The following FRMD5 variants were observed in gnomAD, a reference collection of about 807,000 sequenced individuals.
FRMD5 encodes FERM domain-containing protein 5.
Under a neutral mutation model 69.0 loss-of-function variants are expected in FRMD5, and 20 were observed. The ratio of observed to expected loss-of-function variants is 0.29; its 90% CI spans 0.20 to 0.42. FRMD5 has a LOEUF of 0.42. FRMD5 is among the 10% of genes least tolerant of loss of function. The pLI is 1.00. For missense variants in FRMD5, 595 were observed against 708.6 expected, an observed-to-expected ratio of 0.84 and a Z score of 1.82; for synonymous variants, 271 against 260.1, an observed-to-expected ratio of 1.04 and a Z score of -0.40.
intron 1 of FRMD5, among the ~76,000 whole-genome samples, chr15:43,971,384 C>T (rs1371259854): frequency 1.3e-5 from 2 of 152,114 alleles, no homozygotes; most frequent in Non-Finnish European, 2.9e-5. Flanking sequence ...AGTACATCTG[C>T]TACTATTTTT....
intron 1 of FRMD5, among the ~76,000 whole-genome samples, chr15:44,081,883 C>T (rs935963152): frequency 1.3e-5 from 2 of 151,898 alleles, no homozygotes; most frequent in African/African-American, 4.8e-5. Flanking sequence ...CCATCTGCTA[C>T]ATATAGACAG....
At chr15:43,916,527 G>A (rs958368921) in intron 4 of FRMD5, among the ~76,000 whole-genome samples, 1 of 152,198 alleles carries the variant, frequency 6.6e-6, no homozygotes, top group Non-Finnish European at 1.5e-5. Flanking sequence ...GTATTAAGAA[G>A]TGTAAGAGGC....
At chr15:44,104,116 A>G (rs1361662238) in intron 1 of FRMD5, among the ~76,000 whole-genome samples, 2 of 152,228 alleles carry the variant, frequency 1.3e-5, no homozygotes, top group African/African-American at 4.8e-5. Context: ...AGACAGTGAT[A>G]ATGATGATCC....
chr15:43,872,365 C>T lies in FRMD5; in HGVS notation c.*1520G>A, dbSNP rs994860815. 2.6e-5 allele frequency: 4 copies of T among 152,166 alleles called. No individual in the cohort carries two copies. The highest frequency in any genetic ancestry group is 9.7e-5 in the African/African-American group (4 of 41,414). 9.4% of individuals were successfully genotyped at this position (152,166 alleles called of 1,614,324 possible). A position where few individuals can be genotyped will look rare whatever the true frequency, so the allele number is the denominator to read the frequency against. On this transcript the variant is annotated 3_prime_UTR_variant, in exon 14 of 14. Coordinates refer to ENST00000417257, the MANE Select transcript of FRMD5 (RefSeq NM_032892.5). The stretch of plus-strand genomic sequence containing the variant: ...TGGGGCTGTCCAATTAGGGTATCAG[C>T]AGCTGCTCTACTTTTGTGTGGGTCC...
chr15:43,893,143 A>G (rs1446978128), intron 7 of FRMD5, among the ~76,000 whole-genome samples: 1 of 151,852 alleles, frequency 6.6e-6, no homozygotes, highest in Non-Finnish European at 1.5e-5. Flanking sequence ...AAAAAAAAAA[A>G]CATTTTATGG....
chr15:44,150,367 TG>T (rs2077423949), intron 1 of FRMD5, among the ~76,000 whole-genome samples: 1 of 151,942 alleles, frequency 6.6e-6, no homozygotes, highest in African/African-American at 2.4e-5. Context: ...TAAAATTGTT[TG>T]TTTACTGACG....
At chr15:44,196,050 A>G (rs1408497001), upstream of FRMD5, among the ~76,000 whole-genome samples, 1 of 152,234 alleles carries the variant, frequency 6.6e-6, no homozygotes. Context: ...GGTATACATC[A>G]CAAAGAATTG....
At chr15:44,068,545 T>C (rs974144357) in intron 1 of FRMD5, among the ~76,000 whole-genome samples, 2 of 152,048 alleles carry the variant, frequency 1.3e-5, no homozygotes, top group Non-Finnish European at 2.9e-5. Flanking sequence ...AATAGGCAAT[T>C]TGATAGAGAA....
chr15:44,162,854 C>T (rs1325968806), intron 1 of FRMD5, among the ~76,000 whole-genome samples: 26 of 107,232 alleles, frequency 2.4e-4, no homozygotes, highest in African/African-American at 8.8e-4. Context: ...GCAACGAGAG[C>T]GAAACTCCGT....
At chr15:44,024,195 G>A (rs1481180624) in intron 1 of FRMD5, among the ~76,000 whole-genome samples, 1 of 151,938 alleles carries the variant, frequency 6.6e-6, no homozygotes, top group East Asian at 1.9e-4. Context: ...ATGTGTGGCA[G>A]ATCATTTGTT....
At chr15:43,932,373 C>A (rs763113813) in intron 1 of FRMD5, among the ~76,000 whole-genome samples, 1 of 152,142 alleles carries the variant, frequency 6.6e-6, no homozygotes, top group Non-Finnish European at 1.5e-5. Flanking sequence ...TCTGCGTCTT[C>A]TTCTTACCCA....
At chr15:44,152,927 A>C (rs2077469787) in intron 1 of FRMD5, among the ~76,000 whole-genome samples, 2 of 152,262 alleles carry the variant, frequency 1.3e-5, no homozygotes, top group South Asian at 4.1e-4. Flanking sequence ...ATTTCTTCAA[A>C]GAAGATATAC....
chr15:44,197,099 G>A (rs530237538), upstream of FRMD5, among the ~76,000 whole-genome samples: 2 of 152,224 alleles, frequency 1.3e-5, no homozygotes, highest in Non-Finnish European at 2.9e-5. Flanking sequence ...TACTGGGGAG[G>A]CTGAGGCAGG....
At chr15:44,196,689 ATT>A (rs374948519), upstream of FRMD5, among the ~76,000 whole-genome samples, 4 of 121,042 alleles carry the variant, frequency 3.3e-5, no homozygotes, top group Admixed American at 9.4e-5. Flanking sequence ...ATTTTCCCCA[ATT>A]TTTTTTTTTT....
chr15:44,190,765 TTGAAG>T (rs1203934606), intron 1 of FRMD5, among the ~76,000 whole-genome samples: 1 of 152,156 alleles, frequency 6.6e-6, no homozygotes, highest in Non-Finnish European at 1.5e-5. Context: ...ATAAGAAAAT[TTGAAG>T]TGAAGTTAAC....
chr15:44,069,728 C>T (rs1893454849), intron 1 of FRMD5, among the ~76,000 whole-genome samples: 1 of 152,124 alleles, frequency 6.6e-6, no homozygotes, highest in South Asian at 2.1e-4. Flanking sequence ...GTTCTACATC[C>T]TGACTGCAAG....
intron 5 of FRMD5, among the ~76,000 whole-genome samples, chr15:43,908,719 A>C (rs780018475): frequency 6.6e-6 from 1 of 152,154 alleles, no homozygotes; most frequent in Non-Finnish European, 1.5e-5. Flanking sequence ...ACGTGTGTGA[A>C]GAGTGCATAT....
At chr15:43,890,535 G>A (rs1463330787) in intron 8 of FRMD5, among the ~76,000 whole-genome samples, 1 of 152,168 alleles carries the variant, frequency 6.6e-6, no homozygotes, top group Non-Finnish European at 1.5e-5. Context: ...ATATCAAATA[G>A]CCCAGATGTA....
chr15:43,888,325 A>T (rs962952919), intron 9 of FRMD5, 59 bp from the exon 10 acceptor site: 5 of 1,222,580 alleles, frequency 4.1e-6, no homozygotes, highest in Admixed American at 1.7e-5. Context: ...AGGGTGAAGT[A>T]GGCGAGGACC....
Sources: allele counts gnomAD v4.1 joint callset (sites outside exome capture counted in the v4.1 genomes callset), GRCh38; gene constraint gnomAD v4.1.1; transcripts MANE v1.5; gene names NCBI Gene and HGNC (gene_info 2026-07-23, HGNC 2026-07-21).